Variants in SRL observed in about 807,000 individuals in gnomAD.
SRL encodes the protein sarcalumenin.
A neutral mutation model predicts 39.5 loss-of-function variants in SRL; 23 were observed. The observed-to-expected ratio is 0.58, with a 90% CI of 0.42 to 0.82. SRL has a LOEUF of 0.82. Ranked by LOEUF, SRL falls within the 40% of genes least tolerant of loss-of-function variation. The pLI, the probability that SRL is intolerant of heterozygous loss-of-function variation, is 0.00. For missense variants in SRL, 592 were observed against 607.8 expected (o/e 0.97, Z 0.27); for synonymous variants, 272 against 237.4 (o/e 1.15, Z -1.34).
Position 4,192,374 on chromosome 16 carries a change from A to T in SRL, c.1201T>A (p.Tyr401Asn), listed in dbSNP as rs773260312. The change falls in exon 6 of 6, where the codon TAT becomes AAT. Residue 401 changes from tyrosine to asparagine, a missense_variant. Physicochemically the swap from Tyr to Asn is moderately radical, Grantham distance 143. Transcript: ENST00000399609. The surrounding 1 kb of genome is among the most constrained non-coding windows in gnomAD (Gnocchi z 4.0). The part of the protein sequence containing the change: ...SKFDLPNREA[Y>N]KDFFGINPIS... ...GGATTGATGCCGAAGAAGTCCTTAT[A>T]GGCCTCGCGGTTGGGAAGGTCAAAT... is the stretch of plus-strand genomic sequence containing the variant. 6.2e-7 allele frequency: 1 copy of T among 1,614,194 alleles called. No homozygotes were observed. Among genetic ancestry groups the T allele is most frequent in the Admixed American group, 1.7e-5 (1 of 60,024 alleles).
At position 4,195,634 on chromosome 16, in the gene SRL, C is replaced by G; in HGVS notation, c.529G>C (p.Glu177Gln). The part of the protein sequence containing the change: ...QNFLEKLIGI[E>Q]VPHKLLERVT... ...CTCTCCAGAAGTTTGTGGGGAACCT[C>G]AATGCCAATCAGCTTCTCTAGGAAA... Residue 177 changes from glutamate (E) to glutamine (Q), a missense_variant, in exon 5 of 6, where the codon GAG becomes CAG. Coordinates refer to ENST00000399609, the MANE Select transcript of SRL (RefSeq NM_001098814.2). The G allele has an allele frequency of 6.2e-7, 1 of 1,614,208 alleles. No homozygotes were observed. Among genetic ancestry groups the G allele is most frequent in the Non-Finnish European group, 8.5e-7 (1 of 1,180,040 alleles).
At chr16:4,205,669 C>G (rs891342226) in intron 1 of SRL, among the ~76,000 whole-genome samples, 10 of 152,100 alleles carry the variant, frequency 6.6e-5, no homozygotes, top group African/African-American at 2.2e-4. Context: ...CTGGCTGCAG[C>G]TGGGGAGGCC....
chr16:4,221,381 T>C (rs34079572), intron 1 of SRL, among the ~76,000 whole-genome samples: 45,698 of 152,124 alleles, frequency 0.3, 7,333 homozygotes, highest in Middle Eastern at 0.48. Context: ...GGCAGCCTCA[T>C]GGCCACACAG....
At chr16:4,203,795 G>C (rs1485007986) in intron 2 of SRL, among the ~76,000 whole-genome samples, 1 of 152,206 alleles carries the variant, frequency 6.6e-6, no homozygotes, top group Non-Finnish European at 1.5e-5. Context: ...TGGTGGATGA[G>C]AATTCCATCT....
At position 4,201,632 on chromosome 16, in the gene SRL, G is replaced by A. The variant is rs1270818633; in HGVS notation, c.259+1534C>T. ...ATCACGCTGGGCCCAATTTTTGTGTGTGTGTTTTGTTTGTTTGTTTGTTTG... is the reference window on the plus strand; with the variant it reads ...ATCACGCTGGGCCCAATTTTTGTGTATGTGTTTTGTTTGTTTGTTTGTTTG... On this transcript the variant is annotated intron_variant, in intron 3 of 5. Transcript: ENST00000399609. Among the ~76,000 whole-genome samples, 8 of 67,420 alleles carry A rather than the reference G, an allele frequency of 1.2e-4. 2 individuals are homozygous for A. The Admixed American group carries it at 1.4e-3, about 12-fold the overall frequency. The allele number at this position is 67,420 out of a possible 152,430, so 44.2% of individuals were successfully genotyped here.
chr16:4,227,102 G>A (rs1050231247), intron 1 of SRL, among the ~76,000 whole-genome samples: 2 of 151,302 alleles, frequency 1.3e-5, no homozygotes, highest in African/African-American at 4.9e-5. Flanking sequence ...TGGATGGATG[G>A]ATAAATGGGT....
At chr16:4,196,607 A>T (rs1271745345) in intron 4 of SRL, among the ~76,000 whole-genome samples, 2 of 151,712 alleles carry the variant, frequency 1.3e-5, no homozygotes, top group Non-Finnish European at 2.9e-5. Context: ...CAGCCTCCCA[A>T]GTAGCTGGGA....
chr16:4,220,991 A>AC (rs1182105478), intron 1 of SRL, among the ~76,000 whole-genome samples: 5 of 151,406 alleles, frequency 3.3e-5, no homozygotes, highest in Non-Finnish European at 5.9e-5. Flanking sequence ...TCTCAAAAAA[A>AC]ACCCCACAAA....
Position 4,215,207 on chromosome 16 carries a change from T to A in SRL, c.62-10573A>T, listed in dbSNP as rs1035599960. ...CCTGAGGTCCTCTTCTGCCATTCTC[T>A]CAGCCTTTCCCTCTTCTCCCAACAT... On this transcript the variant is annotated intron_variant, in intron 1 of 5. Coordinates refer to ENST00000399609, the MANE Select transcript of SRL (RefSeq NM_001098814.2). 7.9e-5 allele frequency among the ~76,000 whole-genome samples: 12 copies of A among 152,310 alleles called. No individual in the cohort carries two copies. In the East Asian group the frequency reaches 1.5e-3, roughly 20 times the overall value.
intron 5 of SRL, among the ~76,000 whole-genome samples, chr16:4,193,195 G>A (rs1258877303): frequency 6.6e-6 from 1 of 152,090 alleles, no homozygotes; most frequent in African/African-American, 2.4e-5. Context: ...TTGAGACAGG[G>A]TCTCACTCTG....
intron 1 of SRL, among the ~76,000 whole-genome samples, chr16:4,232,096 G>C (rs994934582): frequency 6.6e-6 from 1 of 152,162 alleles, no homozygotes; most frequent in Non-Finnish European, 1.5e-5. Context: ...CTCTGCCTCT[G>C]TGTAGACAGC....
intron 1 of SRL, among the ~76,000 whole-genome samples, chr16:4,225,578 T>C (rs2052578364): frequency 6.6e-6 from 1 of 152,178 alleles, no homozygotes; most frequent in South Asian, 2.1e-4. Flanking sequence ...AGTGAGACCC[T>C]GTCTCTAAAG....
intron 3 of SRL, among the ~76,000 whole-genome samples, chr16:4,202,369 A>G (rs2052247456): frequency 6.6e-6 from 1 of 152,196 alleles, no homozygotes; most frequent in Admixed American, 6.5e-5. Context: ...CGAAGCGGGC[A>G]GATCACGAGG....
In SRL at chr16:4,191,728, G is replaced by C. The variant is rs187381448; in HGVS notation, c.*425C>G. The C allele has an allele frequency of 3.0e-3, 495 of 166,502 alleles. No individual in the cohort carries two copies. Among genetic ancestry groups the C allele is most frequent in the African/African-American group, 0.011 (474 of 41,980 alleles). The allele number at this position is 166,502 out of a possible 1,614,324, so 10.3% of individuals were successfully genotyped here. On this transcript the variant is annotated 3_prime_UTR_variant, in exon 6 of 6. Transcript: ENST00000399609. ...GGAACAAACGCGAGACTGTGGGTGT[G>C]GAAAGAAGCCAAAATGGACCTGACA...
At chr16:4,195,520 G>A (rs890031551) in intron 5 of SRL, 33 bp downstream of exon 5, 3 of 1,606,054 alleles carry the variant, frequency 1.9e-6, no homozygotes, top group South Asian at 1.1e-5. Flanking sequence ...TTGAAACAGA[G>A]CTTACACTGT....
rs767651673 is a variant in SRL at position 4,195,752 on chromosome 16, G to A, written c.411C>T (p.Leu137=). Residue 137 remains leucine (L), a synonymous_variant, in exon 5 of 6, where the codon CTC becomes CTT. Transcript: ENST00000399609. ...AEPTTSEFTV[L]MHGPKLKTIE... ...TGGTTTTCAGCTTAGGCCCATGCAT[G>A]AGGACCGTGAACTCAGAGGTGGTGG... 7 of 1,614,094 alleles carry A rather than the reference G, an allele frequency of 4.3e-6. No homozygotes were observed. The South Asian group carries it at 6.6e-5, about 15-fold the overall frequency.
chr16:4,239,575 G>C (rs2052749201), intron 1 of SRL: 1 of 152,294 alleles, frequency 6.6e-6, no homozygotes, highest in Non-Finnish European at 1.5e-5. Flanking sequence ...CTGCAAACTA[G>C]GGAAACTCCC....
At position 4,203,357 on chromosome 16, in the gene SRL, C is replaced by A. The variant is rs1567177339; in HGVS notation, c.164-96G>T. 14 of 975,990 alleles carry A rather than the reference C, an allele frequency of 1.4e-5. No homozygotes were observed. In the Admixed American group the frequency reaches 2.4e-4, roughly 17 times the overall value. 60.5% of individuals were successfully genotyped at this position (975,990 alleles called of 1,614,324 possible). On this transcript the variant is annotated intron_variant, in intron 2 of 5. Transcript: ENST00000399609. ...GGCCTCACCACCCAGGGCAGCTCCA[C>A]CCCTGCCTGGTGGGCAGCAAGTGCT...
chr16:4,240,409 A>C (rs1428757029), intron 1 of SRL, among the ~76,000 whole-genome samples: 1 of 152,142 alleles, frequency 6.6e-6, no homozygotes, highest in African/African-American at 2.4e-5. Context: ...TGGGGTATAC[A>C]GTCCACAGTG....
Sources: allele counts gnomAD v4.1 joint callset (sites outside exome capture counted in the v4.1 genomes callset), GRCh38; gene constraint gnomAD v4.1.1; non-coding constraint Gnocchi (gnomAD v3.1); transcripts MANE v1.5; gene names NCBI Gene and HGNC (gene_info 2026-07-23, HGNC 2026-07-21).